COQ8A: variants seen among roughly 807,000 people sequenced by gnomAD.
The protein encoded by COQ8A is atypical kinase COQ8A, mitochondrial.
Under a neutral mutation model 65.0 loss-of-function variants are expected in COQ8A, and 51 were observed. The ratio of observed to expected loss-of-function variants is 0.78; its 90% CI spans 0.63 to 0.99. The LOEUF (loss-of-function observed/expected upper bound fraction) is 0.99, where lower values mean the gene tolerates loss of function less well. Ranked by LOEUF, COQ8A falls within the 50% of genes least tolerant of loss-of-function variation. The pLI is 0.00. For missense variants in COQ8A, 940 were observed against 875.0 expected (o/e 1.07, Z -0.94); for synonymous variants, 371 against 353.2 (o/e 1.05, Z -0.57).
At chr1:226,951,635 T>G (rs1204375860) in intron 1 of COQ8A, among the ~76,000 whole-genome samples, 2 of 152,142 alleles carry the variant, frequency 1.3e-5, no homozygotes, top group Non-Finnish European at 2.9e-5. Flanking sequence ...CTCATTCAAC[T>G]CTGGTGACCT....
At chr1:226,984,813 G>T in intron 12 of COQ8A, 63 bp from the exon 13 acceptor site, 1 of 1,575,852 alleles carries the variant, frequency 6.3e-7, no homozygotes. Flanking sequence ...CCCCCTTCCC[G>T]GCCCCACACA....
chr1:226,985,092 T>C, intron 13 of COQ8A, 151 bp downstream of exon 13: 1 of 1,295,308 alleles, frequency 7.7e-7, no homozygotes, highest in Non-Finnish European at 1.1e-6. Context: ...AGCAGGCAGT[T>C]AGGCTGACAG....
chr1:226,977,261 C>T (rs999197304), intron 4 of COQ8A, 188 bp from the exon 5 acceptor site: 17 of 596,118 alleles, frequency 2.9e-5, no homozygotes, highest in South Asian at 8.2e-5. Flanking sequence ...TACCTCGAGC[C>T]AAATGTTCTC....
chr1:226,961,521 A>G lies in COQ8A; in HGVS notation c.136A>G (p.Thr46Ala), dbSNP rs765033818. 6 of 1,613,774 alleles carry G rather than the reference A, an allele frequency of 3.7e-6. No homozygotes were observed. Among genetic ancestry groups the G allele is most frequent in the Non-Finnish European group, 5.1e-6 (6 of 1,179,922 alleles). The change falls in exon 2 of 15, where the codon ACG becomes GCG. Residue 46 changes from threonine (T) to alanine (A), a missense_variant. Coordinates refer to ENST00000366777, the MANE Select transcript of COQ8A (RefSeq NM_020247.5). ...CATGGCGGCCAGGGCCCTGCAGTCC[A>G]CGGCTGTGGAGCAGATTGGCATGTT... ...LIMAARALQSTAVEQIGMFLG... is the reference protein window; with the variant it reads ...LIMAARALQSAAVEQIGMFLG...
At chr1:226,965,886 A>T (rs1658541759) in intron 4 of COQ8A, 149 bp downstream of exon 4, 1 of 809,746 alleles carries the variant, frequency 1.2e-6, no homozygotes, top group African/African-American at 1.7e-5. Flanking sequence ...GCTTTTGGGG[A>T]GCTGGAGTTT....
intron 1 of COQ8A, among the ~76,000 whole-genome samples, chr1:226,951,733 T>A (rs1448615281): frequency 6.6e-6 from 1 of 152,000 alleles, no homozygotes; most frequent in East Asian, 1.9e-4. Flanking sequence ...TTATGGGTCA[T>A]AGATCTTTCT....
chr1:226,981,992 CG>C, intron 5 of COQ8A, 34 bp from the exon 6 acceptor site: 1 of 1,612,848 alleles, frequency 6.2e-7, no homozygotes, highest in Non-Finnish European at 8.5e-7. Flanking sequence ...CAGACCCCCC[CG>C]AGTGCCGTGG....
chr1:226,943,451 T>A (rs747695935), intron 1 of COQ8A, among the ~76,000 whole-genome samples: 9 of 151,598 alleles, frequency 5.9e-5, no homozygotes, highest in Non-Finnish European at 1.3e-4. Context: ...TATGGAGGGG[T>A]GGGAGCCCCA....
rs36006006 is a variant in COQ8A at position 226,982,965 on chromosome 1, C to T, written c.1011C>T (p.Ala337=). Residue 337 remains alanine (A), a synonymous_variant, in exon 8 of 15, where the codon GCC becomes GCT. Coordinates refer to ENST00000366777, the MANE Select transcript of COQ8A (RefSeq NM_020247.5). ...KLEYFEERPF[A]AASIGQVHLA... The stretch of plus-strand genomic sequence containing the variant: ...AATACTTCGAGGAGCGGCCCTTCGC[C>T]GCCGCATCCATTGGGCAGGTGCACT... 1.9e-4 allele frequency: 304 copies of T among 1,604,912 alleles called. No individual in the cohort carries two copies. The highest frequency in any genetic ancestry group is 1.9e-4 in the Non-Finnish European group (225 of 1,176,392).
chr1:226,941,125 A>G (rs750167387), intron 1 of COQ8A, among the ~76,000 whole-genome samples: 37 of 152,168 alleles, frequency 2.4e-4, no homozygotes, highest in Non-Finnish European at 4.9e-4. Flanking sequence ...GGAGTGCTGC[A>G]GGGGCAGGTT....
intron 1 of COQ8A, among the ~76,000 whole-genome samples, chr1:226,953,541 T>G (rs1264866951): frequency 1.3e-5 from 2 of 152,222 alleles, no homozygotes; most frequent in Admixed American, 6.5e-5. Context: ...TGGGGCCAGC[T>G]CTGAGAGCCC....
rs1006567752 is a variant in COQ8A, at chr1:226,977,719, G to T, written c.730+196G>T. 2.5e-4 allele frequency among the ~76,000 whole-genome samples: 38 copies of T among 152,070 alleles called. 1 individual carries two copies. The highest frequency in any genetic ancestry group is 2.4e-3 in the Admixed American group (37 of 15,280). ...GACCTGCTTTAGAGGGGGTGAGGCT[G>T]GAGGCCCTTCCTCCTCCCAGCCCAA... is the stretch of plus-strand genomic sequence containing the variant. On this transcript the variant is annotated intron_variant, in intron 5 of 14. Coordinates refer to ENST00000366777, the MANE Select transcript of COQ8A (RefSeq NM_020247.5).
intron 4 of COQ8A, among the ~76,000 whole-genome samples, chr1:226,968,888 A>G (rs570340122): frequency 8.5e-5 from 13 of 152,152 alleles, no homozygotes; most frequent in South Asian, 2.1e-4. Context: ...TTTCTTAAAG[A>G]GTGGTGTGAA....
At chr1:226,945,529 G>A (rs139480685) in intron 1 of COQ8A, among the ~76,000 whole-genome samples, 2,720 of 152,346 alleles carry the variant, frequency 0.018, 37 homozygotes, top group Non-Finnish European at 0.026. Flanking sequence ...TAAGCTGAAG[G>A]TGGTTACTGT....
intron 1 of COQ8A, among the ~76,000 whole-genome samples, chr1:226,960,488 G>A (rs1470665325): frequency 1.1e-3 from 7 of 6,196 alleles, no homozygotes; most frequent in Admixed American, 2.1e-3. Flanking sequence ...GTGGTACTTG[G>A]TGGTGGTGGT....
chr1:226,971,133 G>T (rs1029966840), intron 4 of COQ8A, among the ~76,000 whole-genome samples: 1 of 151,858 alleles, frequency 6.6e-6, no homozygotes, highest in Non-Finnish European at 1.5e-5. Context: ...CAGAGATGGG[G>T]TTTTGCCATG....
rs149505935 is a variant in COQ8A at position 226,983,894 on chromosome 1, G to A, written c.1256+40G>A. On this transcript the variant is annotated intron_variant, in intron 10 of 14. Coordinates refer to ENST00000366777, the MANE Select transcript of COQ8A (RefSeq NM_020247.5). ...CGGGCCCCTTGCGTGTTTGCACCAG[G>A]GAGGCAGAAGGGACCATGTTCAGCA... 2,227 of 1,592,632 alleles carry A rather than the reference G, an allele frequency of 1.4e-3. 3 individuals are homozygous for A. The highest frequency in any genetic ancestry group is 1.8e-3 in the Admixed American group (103 of 58,484).
chr1:226,966,640 A>G (rs1422637104), intron 4 of COQ8A, among the ~76,000 whole-genome samples: 1 of 152,076 alleles, frequency 6.6e-6, no homozygotes. Context: ...GTGGTCCATG[A>G]TGGTGCTGGT....
intron 5 of COQ8A, 72 bp downstream of exon 5, chr1:226,977,595 A>C: frequency 6.7e-7 from 1 of 1,488,384 alleles, no homozygotes; most frequent in Non-Finnish European, 9.1e-7. Flanking sequence ...CCCCAGCCCC[A>C]CCTGTGCTCT....
Sources: allele counts gnomAD v4.1 joint callset (sites outside exome capture counted in the v4.1 genomes callset), GRCh38; gene constraint gnomAD v4.1.1; transcripts MANE v1.5; gene names NCBI Gene and HGNC (gene_info 2026-07-23, HGNC 2026-07-21).